The following A1CF variants were observed in gnomAD, a reference collection of about 807,000 sequenced individuals.
A1CF encodes APOBEC-1 stimulating protein.
A neutral mutation model predicts 68.9 loss-of-function variants in A1CF; 48 were observed. That is an observed-to-expected ratio of 0.70 (90% CI 0.55 to 0.89). A1CF has a LOEUF of 0.89. A1CF is among the 40% of genes least tolerant of loss of function. A1CF has a pLI of 0.00. For synonymous variants in A1CF, 272 were observed against 260.4 expected (o/e 1.04, Z -0.43); for missense variants, 653 against 718.9 (o/e 0.91, Z 1.05).
At chr10:50,829,740 C>T (rs1839150094) in intron 6 of A1CF, among the ~76,000 whole-genome samples, 1 of 152,154 alleles carries the variant, frequency 6.6e-6, no homozygotes, top group African/African-American at 2.4e-5. Context: ...ATCCCCAAGG[C>T]TCCCACATAA....
chr10:50,883,944 A>G (rs867009274), intron 1 of A1CF, among the ~76,000 whole-genome samples: 6 of 152,314 alleles, frequency 3.9e-5, no homozygotes, highest in Middle Eastern at 6.8e-3. Flanking sequence ...CACACCATAG[A>G]GTTGTTCCAA....
intron 1 of A1CF, among the ~76,000 whole-genome samples, chr10:50,882,783 A>T (rs1841840181): frequency 6.6e-6 from 1 of 152,160 alleles, no homozygotes; most frequent in Non-Finnish European, 1.5e-5. Context: ...CATTTTAGAG[A>T]CACATAAGGT....
intron 8 of A1CF, among the ~76,000 whole-genome samples, chr10:50,819,374 C>A (rs569795605): frequency 2.0e-4 from 31 of 152,280 alleles, no homozygotes; most frequent in South Asian, 4.1e-4. Context: ...CCTTCTACCT[C>A]AGCCTCCCAA....
At chr10:50,882,773 C>A (rs1407172334) in intron 1 of A1CF, among the ~76,000 whole-genome samples, 1 of 152,124 alleles carries the variant, frequency 6.6e-6, no homozygotes, top group Non-Finnish European at 1.5e-5. Context: ...CTTATTGAGT[C>A]ATTTTAGAGA....
chr10:50,808,469 A>T (rs1837938439), intron 12 of A1CF, among the ~76,000 whole-genome samples: 1 of 152,252 alleles, frequency 6.6e-6, no homozygotes, highest in Non-Finnish European at 1.5e-5. Flanking sequence ...TTTGGGGTGC[A>T]GCTTTCTGTA....
At position 50,803,214 on chromosome 10, in the gene A1CF, A is replaced by G. The variant is rs2132287630; in HGVS notation, c.*3515T>C. ...AGCAATCCTCCTGCCTTAGCTTCCCAAGTAGCTGGGACCACAGGCCCACGC... is the reference window on the plus strand; with the variant it reads ...AGCAATCCTCCTGCCTTAGCTTCCCGAGTAGCTGGGACCACAGGCCCACGC... On this transcript the variant is annotated 3_prime_UTR_variant, in exon 13 of 13. Transcript: ENST00000373997. 1 of 152,126 alleles carries G rather than the reference A, an allele frequency of 6.6e-6. No homozygotes were observed. Among genetic ancestry groups the G allele is most frequent in the East Asian group, 1.9e-4 (1 of 5,168 alleles). The allele number at this position is 152,126 out of a possible 1,614,324, so 9.4% of individuals were successfully genotyped here. A position where few individuals can be genotyped will look rare whatever the true frequency, so the allele number is the denominator to read the frequency against.
rs767225205 is a variant in A1CF at position 50,859,875 on chromosome 10, T to C, written c.66A>G (p.Ala22=). Residue 22 remains alanine (A), a synonymous_variant, in exon 3 of 13, where the codon GCA becomes GCG. Transcript: ENST00000373997. ...SGTQKEAALR[A]LVQRTGYSLV... ...AGCTATATCCTGTGCGCTGGACCAG[T>C]GCGCGGAGGGCTGCTTCCTTCTGAG... 2.5e-6 allele frequency: 4 copies of C among 1,614,024 alleles called. No individual in the cohort carries two copies. Among genetic ancestry groups the C allele is most frequent in the East Asian group, 4.5e-5 (2 of 44,866 alleles).
chr10:50,882,078 A>T (rs1185675646), intron 1 of A1CF, among the ~76,000 whole-genome samples: 3 of 152,190 alleles, frequency 2.0e-5, no homozygotes, highest in Admixed American at 2.0e-4. Context: ...TTTGGATTGC[A>T]TCAATCAAAA....
intron 10 of A1CF, among the ~76,000 whole-genome samples, chr10:50,811,954 G>A (rs571832344): frequency 6.6e-6 from 1 of 152,336 alleles, no homozygotes; most frequent in East Asian, 1.9e-4. Context: ...GCATAAGCCT[G>A]AGAAAATAAC....
At chr10:50,882,234 G>C (rs563899444) in intron 1 of A1CF, among the ~76,000 whole-genome samples, 1 of 151,974 alleles carries the variant, frequency 6.6e-6, no homozygotes. Flanking sequence ...TCAGGAGTTC[G>C]AGACCAGCCT....
intron 1 of A1CF, among the ~76,000 whole-genome samples, chr10:50,866,263 TA>T (rs1840984123): frequency 6.6e-6 from 1 of 152,240 alleles, no homozygotes; most frequent in African/African-American, 2.4e-5. Flanking sequence ...GATTAAAATA[TA>T]AAGTTGATAT....
intron 5 of A1CF, among the ~76,000 whole-genome samples, chr10:50,839,867 C>T (rs941029694): frequency 2.6e-5 from 4 of 152,042 alleles, no homozygotes; most frequent in Non-Finnish European, 5.9e-5. Context: ...TCCTGCCTCC[C>T]GAGTAGCTGG....
intron 2 of A1CF, among the ~76,000 whole-genome samples, chr10:50,861,788 T>A (rs527942218): frequency 4.7e-5 from 7 of 148,082 alleles, no homozygotes; most frequent in East Asian, 2.0e-4. Flanking sequence ...ATAATAATAG[T>A]AATAGTAATT....
Position 50,799,837 on chromosome 10 carries a change from G to A in A1CF, c.*6892C>T, listed in dbSNP as rs760018751. 14 of 152,104 alleles carry A rather than the reference G, an allele frequency of 9.2e-5. No individual in the cohort carries two copies. Among genetic ancestry groups the A allele is most frequent in the African/African-American group, 2.4e-4 (10 of 41,524 alleles). 9.4% of individuals were successfully genotyped at this position (152,104 alleles called of 1,614,324 possible). On this transcript the variant is annotated 3_prime_UTR_variant, in exon 13 of 13. Coordinates refer to ENST00000373997, the MANE Select transcript of A1CF (RefSeq NM_014576.4). Reference sequence around the variant, plus strand: ...TTAAGATATAGGGAATAACAATATCGGGCTGTATTGCAGTCAGAAACATAG... The same window carrying A: ...TTAAGATATAGGGAATAACAATATCAGGCTGTATTGCAGTCAGAAACATAG...
At chr10:50,849,819 A>T (rs1205240418) in intron 3 of A1CF, among the ~76,000 whole-genome samples, 70 of 98,904 alleles carry the variant, frequency 7.1e-4, no homozygotes, top group African/African-American at 2.6e-3. Context: ...TTTGAGACGG[A>T]GTCTCGCTCT....
At chr10:50,807,146 C>T (rs78074890) in intron 12 of A1CF, among the ~76,000 whole-genome samples, 1,560 of 152,178 alleles carry the variant, frequency 0.01, 14 homozygotes, top group Middle Eastern at 0.024. Context: ...ATTAAAGATG[C>T]TTGGGATAGG....
chr10:50,820,796 G>T, intron 7 of A1CF, 147 bp from the exon 8 acceptor site: 1 of 535,988 alleles, frequency 1.9e-6, no homozygotes, highest in Non-Finnish European at 3.1e-6. Flanking sequence ...ACATTCAACA[G>T]AAGATTTTTT....
chr10:50,862,191 C>A (rs1211181781), intron 2 of A1CF, among the ~76,000 whole-genome samples: 5 of 151,774 alleles, frequency 3.3e-5, no homozygotes, highest in Non-Finnish European at 7.4e-5. Context: ...CATGGTGAAA[C>A]CCTGTCTCTA....
rs114679235 is a variant in A1CF, at chr10:50,822,497, C to T, written c.770-1848G>A. 5.7e-3 allele frequency among the ~76,000 whole-genome samples: 873 copies of T among 152,212 alleles called. 8 individuals are homozygous for T. Among genetic ancestry groups the T allele is most frequent in the African/African-American group, 0.019 (789 of 41,524 alleles). ...AAGGTAATTAGAGTTTTTACTCTCC[C>T]ACGTGGTTCAATGACTAAGAATTAT... On this transcript the variant is annotated intron_variant, in intron 7 of 12. Coordinates refer to ENST00000373997, the MANE Select transcript of A1CF (RefSeq NM_014576.4).
Sources: gnomAD v4.1 joint callset for allele counts (sites outside exome capture counted in the v4.1 genomes callset) on GRCh38, gnomAD v4.1.1 for gene constraint, MANE v1.5 for transcripts, NCBI Gene and HGNC (gene_info 2026-07-23, HGNC 2026-07-21) for gene names.